The following AMIGO2 variants were observed in gnomAD, a reference collection of about 807,000 sequenced individuals.
The protein encoded by AMIGO2 is amphoterin-induced protein 2.
Under a neutral mutation model 23.7 loss-of-function variants are expected in AMIGO2, and 15 were observed. The ratio of observed to expected loss-of-function variants is 0.63; its 90% CI spans 0.42 to 0.98. The LOEUF (loss-of-function observed/expected upper bound fraction) is 0.98, where lower values mean the gene tolerates loss of function less well. Ranked by LOEUF, AMIGO2 falls within the 50% of genes least tolerant of loss-of-function variation. AMIGO2 has a pLI of 0.00. For synonymous variants in AMIGO2, 264 were observed against 252.3 expected (o/e 1.05, Z -0.44); for missense variants, 561 against 633.1 (o/e 0.89, Z 1.22).
At position 47,079,787 on chromosome 12, in the gene AMIGO2, G is replaced by C. The variant is rs1263167879; in HGVS notation, c.-496C>G. On this transcript the variant is annotated 5_prime_UTR_variant, in exon 1 of 3. Coordinates refer to ENST00000550413, the MANE Select transcript of AMIGO2 (RefSeq NM_001370299.1). ...CGCGGGGCGCCCCGCTCCCAGAGCCGGGGCCGCGGGAGGGGGCGCAGGCAG... is the reference window on the plus strand; with the variant it reads ...CGCGGGGCGCCCCGCTCCCAGAGCCCGGGCCGCGGGAGGGGGCGCAGGCAG... 3 of 149,900 alleles carry C rather than the reference G, an allele frequency of 2.0e-5. No homozygotes were observed. The highest frequency in any genetic ancestry group is 7.3e-5 in the African/African-American group (3 of 41,142). 9.3% of individuals were successfully genotyped at this position (149,900 alleles called of 1,614,324 possible). A position where few individuals can be genotyped will look rare whatever the true frequency, so the allele number is the denominator to read the frequency against.
In AMIGO2 at chr12:47,076,828, G is replaced by A. The variant is rs1266063944; in HGVS notation, c.*606C>T. ...AAGAATGTACAAAATGAAAAGACAG[G>A]CAAACAAATGTACTTTCCTTGCACT... On this transcript the variant is annotated 3_prime_UTR_variant, in exon 3 of 3. Coordinates refer to ENST00000550413, the MANE Select transcript of AMIGO2 (RefSeq NM_001370299.1). The A allele has an allele frequency of 1.3e-5, 2 of 152,172 alleles. No homozygotes were observed. Among genetic ancestry groups the A allele is most frequent in the Non-Finnish European group, 2.9e-5 (2 of 68,024 alleles). 9.4% of individuals were successfully genotyped at this position (152,172 alleles called of 1,614,324 possible). A position where few individuals can be genotyped will look rare whatever the true frequency, so the allele number is the denominator to read the frequency against.
chr12:47,079,479 T>C lies in AMIGO2; in HGVS notation c.-188A>G, dbSNP rs1178875211. 1.3e-5 allele frequency: 2 copies of C among 152,634 alleles called. No individual in the cohort carries two copies. Among genetic ancestry groups the C allele is most frequent in the East Asian group, 3.9e-4 (2 of 5,166 alleles). The allele number at this position is 152,634 out of a possible 1,614,324, so 9.5% of individuals were successfully genotyped here. On this transcript the variant is annotated 5_prime_UTR_variant, in exon 1 of 3. Coordinates refer to ENST00000550413, the MANE Select transcript of AMIGO2 (RefSeq NM_001370299.1). ...AAACTCACGGTGCTGGGGAGCCTCG[T>C]GGGCTCCGGGGAGGCTGCCTACGCA...
rs574028188 is a variant in AMIGO2, at chr12:47,079,649, G to C, written c.-358C>G. The C allele has an allele frequency of 6.5e-6, 1 of 152,888 alleles. No individual in the cohort carries two copies. Among genetic ancestry groups the C allele is most frequent in the Non-Finnish European group, 1.5e-5 (1 of 68,752 alleles). 9.5% of individuals were successfully genotyped at this position (152,888 alleles called of 1,614,324 possible). On this transcript the variant is annotated 5_prime_UTR_variant, in exon 1 of 3. Transcript: ENST00000550413. ...GTTTCAAGCAGCCGCGGCGGCAGCA[G>C]CAGCCCTGGACGCAGCAGCCAAGCT... is the stretch of plus-strand genomic sequence containing the variant.
chr12:47,078,652 T>C lies in AMIGO2; in HGVS notation c.351A>G (p.Pro117=). ...ACGATAAGTCAAGACACTTCAAATT[T>C]GGAGTTGTGGAAAAACTGCCCGTGG... ...SISTGSFSTT[P]NLKCLDLSSN... The change falls in exon 3 of 3, where the codon CCA becomes CCG. Residue 117 remains proline (P), a synonymous_variant. Coordinates refer to ENST00000550413, the MANE Select transcript of AMIGO2 (RefSeq NM_001370299.1). 1 of 1,614,194 alleles carries C rather than the reference T, an allele frequency of 6.2e-7. No homozygotes were observed. Among genetic ancestry groups the C allele is most frequent in the South Asian group, 1.1e-5 (1 of 91,082 alleles).
Position 47,078,349 on chromosome 12 carries a change from T to A in AMIGO2, c.654A>T (p.Lys218Asn), listed in dbSNP as rs1343335714. Residue 218 changes from lysine to asparagine, a missense_variant, in exon 3 of 3, where the codon AAA becomes AAT. Transcript: ENST00000550413. ...PMHHINLVPG[K>N]QLRGIYLHGN... is the part of the protein sequence containing the mutation. ...CATGAAGGTAGATGCCTCTCAGCTG[T>A]TTTCCTGGCACTAAATTTATGTGGT... 1 of 1,613,816 alleles carries A rather than the reference T, an allele frequency of 6.2e-7. No individual in the cohort carries two copies. The highest frequency in any genetic ancestry group is 1.7e-5 in the Admixed American group (1 of 60,024).
chr12:47,076,156 A>T (rs547657430), downstream of AMIGO2: 1 of 152,324 alleles, frequency 6.6e-6, no homozygotes, highest in Non-Finnish European at 1.5e-5. Context: ...ACCACCAAGA[A>T]ATCATTCATT....
At position 47,078,012 on chromosome 12, in the gene AMIGO2, G is replaced by A. The variant is rs1941884358; in HGVS notation, c.991C>T (p.Leu331=). 3 of 1,613,922 alleles carry A rather than the reference G, an allele frequency of 1.9e-6. No individual in the cohort carries two copies. Among genetic ancestry groups the A allele is most frequent in the Non-Finnish European group, 2.5e-6 (3 of 1,180,034 alleles). ...FIWVGPDNRL[L]EPDKEMENFY... ...TTTTCCATCTCTTTATCCGGCTCTA[G>A]CAGTCTGTTATCTGGACCCACCCAG... Residue 331 remains leucine, a synonymous_variant, in exon 3 of 3, where the codon CTA becomes TTA. Transcript: ENST00000550413.
At position 47,078,441 on chromosome 12, in the gene AMIGO2, T is replaced by C. The variant is rs995106493; in HGVS notation, c.562A>G (p.Arg188Gly). ...TQFPMDLYVG[R>G]FKLAELMFLD... ...AACATCAGTTCTGCCAGCTTGAACC[T>C]TCCAACATACAAATCCATCGGAAAC... Residue 188 changes from arginine (R) to glycine (G), a missense_variant, in exon 3 of 3, where the codon AGG becomes GGG. Coordinates refer to ENST00000550413, the MANE Select transcript of AMIGO2 (RefSeq NM_001370299.1). The C allele has an allele frequency of 2.5e-6, 4 of 1,614,082 alleles. No individual in the cohort carries two copies. The African/African-American group carries it at 5.3e-5, about 22-fold the overall frequency.
Position 47,079,772 on chromosome 12 carries a change from C to T in AMIGO2, c.-481G>A, listed in dbSNP as rs1487614891. 3.3e-5 allele frequency: 5 copies of T among 150,474 alleles called. No individual in the cohort carries two copies. Among genetic ancestry groups the T allele is most frequent in the Non-Finnish European group, 7.4e-5 (5 of 67,482 alleles). 9.3% of individuals were successfully genotyped at this position (150,474 alleles called of 1,614,324 possible). A position where few individuals can be genotyped will look rare whatever the true frequency, so the allele number is the denominator to read the frequency against. On this transcript the variant is annotated 5_prime_UTR_variant, in exon 1 of 3. Transcript: ENST00000550413. Reference sequence around the variant, plus strand: ...CGCCGTGTGCCCGCGCGCGGGGCGCCCCGCTCCCAGAGCCGGGGCCGCGGG... The same window carrying T: ...CGCCGTGTGCCCGCGCGCGGGGCGCTCCGCTCCCAGAGCCGGGGCCGCGGG...
In AMIGO2 at chr12:47,076,979, A is replaced by G. The variant is rs1360354898; in HGVS notation, c.*455T>C. The G allele has an allele frequency of 6.2e-6, 1 of 160,198 alleles. No homozygotes were observed. Among genetic ancestry groups the G allele is most frequent in the African/African-American group, 2.4e-5 (1 of 41,510 alleles). 9.9% of individuals were successfully genotyped at this position (160,198 alleles called of 1,614,324 possible). On this transcript the variant is annotated 3_prime_UTR_variant, in exon 3 of 3. Transcript: ENST00000550413. ...CAAATCTAACTTTGCTTTAGGCTTTATAATTAATTGATGCTTGATTCTTCT... is the reference window on the plus strand; with the variant it reads ...CAAATCTAACTTTGCTTTAGGCTTTGTAATTAATTGATGCTTGATTCTTCT...
In AMIGO2 at chr12:47,079,813, CCGGGCGGCAG is replaced by C. The variant is rs1297743648; in HGVS notation, c.-532_-523del. ...GGGCCGCGGGAGGGGGCGCAGGCAG[CCGGGCGGCAG>C]CGGGCGGCCCCGCCTCTCCGCACTC... On this transcript the variant is annotated 5_prime_UTR_variant, in exon 1 of 3. Transcript: ENST00000550413. 6.7e-6 allele frequency: 1 copy of C among 149,476 alleles called. No individual in the cohort carries two copies. Among genetic ancestry groups the C allele is most frequent in the South Asian group, 2.1e-4 (1 of 4,820 alleles). The allele number at this position is 149,476 out of a possible 1,614,324, so 9.3% of individuals were successfully genotyped here. A position where few individuals can be genotyped will look rare whatever the true frequency, so the allele number is the denominator to read the frequency against.
Position 47,077,432 on chromosome 12 carries a change from A to T in AMIGO2, c.*2T>A, listed in dbSNP as rs1173527548. 6.2e-7 allele frequency: 1 copy of T among 1,608,820 alleles called. No individual in the cohort carries two copies. Among genetic ancestry groups the T allele is most frequent in the Non-Finnish European group, 8.5e-7 (1 of 1,175,928 alleles). ...ATGACATCATACAAATATAGGCACA[A>T]ATTAAGTGGACGCCACAAAAGGTGT... is the stretch of plus-strand genomic sequence containing the variant. On this transcript the variant is annotated 3_prime_UTR_variant, in exon 3 of 3. Coordinates refer to ENST00000550413, the MANE Select transcript of AMIGO2 (RefSeq NM_001370299.1).
In AMIGO2 at chr12:47,078,686, G is replaced by A; in HGVS notation, c.317C>T (p.Thr106Ile). 6.2e-7 allele frequency: 1 copy of A among 1,614,196 alleles called. No individual in the cohort carries two copies. The highest frequency in any genetic ancestry group is 8.5e-7 in the Non-Finnish European group (1 of 1,180,034). ...NTLILRHNNI[T>I]SISTGSFSTT... ...GGAAAAACTGCCCGTGGAAATGCTG[G>A]TGATGTTGTTATGACGAAGAATTAG... Residue 106 changes from threonine to isoleucine, a missense_variant, in exon 3 of 3, where the codon ACC becomes ATC. Transcript: ENST00000550413.
Position 47,079,144 on chromosome 12 carries a change from T to TA in AMIGO2, c.-67dup. 8.2e-7 allele frequency: 1 copy of TA among 1,224,390 alleles called. No individual in the cohort carries two copies. The highest frequency in any genetic ancestry group is 1.5e-5 in the African/African-American group (1 of 65,946). 75.8% of individuals were successfully genotyped at this position (1,224,390 alleles called of 1,614,324 possible). A position where few individuals can be genotyped will look rare whatever the true frequency, so the allele number is the denominator to read the frequency against. Reference sequence around the variant, plus strand: ...TAGTTAACCCATAAGAGCCATACCTTACTTTCTTTCCAATAACTTTTGAAA... The same window carrying TA: ...TAGTTAACCCATAAGAGCCATACCTTAACTTTCTTTCCAATAACTTTTGAAA... On this transcript the variant is annotated 5_prime_UTR_variant, in exon 2 of 3. Coordinates refer to ENST00000550413, the MANE Select transcript of AMIGO2 (RefSeq NM_001370299.1).
rs77928122 is a variant in AMIGO2, at chr12:47,079,173, G to A, written c.-95C>T. 10,735 of 926,034 alleles carry A rather than the reference G, an allele frequency of 0.012. 422 individuals are homozygous for A. Among genetic ancestry groups the A allele is most frequent in the African/African-American group, 0.093 (5,592 of 59,822 alleles). The allele number at this position is 926,034 out of a possible 1,614,324, so 57.4% of individuals were successfully genotyped here. On this transcript the variant is annotated 5_prime_UTR_variant, in exon 2 of 3. Coordinates refer to ENST00000550413, the MANE Select transcript of AMIGO2 (RefSeq NM_001370299.1). ...TTCTTTCCAATAACTTTTGAAATGG[G>A]TTTTATTTCACAATAGGGAGCTCTG...
chr12:47,077,392 T>TG lies in AMIGO2; in HGVS notation c.*41dup. On this transcript the variant is annotated 3_prime_UTR_variant, in exon 3 of 3. Transcript: ENST00000550413. ...TGCAGACCACACACAAAGTTAAATA[T>TG]GAACAGATTAAATTATGACATCATA... 6.4e-7 allele frequency: 1 copy of TG among 1,574,260 alleles called. No individual in the cohort carries two copies. The highest frequency in any genetic ancestry group is 8.6e-7 in the Non-Finnish European group (1 of 1,157,874).
rs1941879065 is a variant in AMIGO2 at position 47,077,785 on chromosome 12, G to A, written c.1218C>T (p.Cys406=). Residue 406 remains cysteine, a synonymous_variant, in exon 3 of 3, where the codon TGC becomes TGT. Transcript: ENST00000550413. ...FNTAFTTLAA[C]VASIVLVLLY... is the part of the protein sequence containing the mutation. Reference sequence around the variant, plus strand: ...AAAGTACCAAAACGATACTGGCCACGCAAGCAGCAAGAGTGGTAAAAGCTG... The same window carrying A: ...AAAGTACCAAAACGATACTGGCCACACAAGCAGCAAGAGTGGTAAAAGCTG... 2 of 1,614,132 alleles carry A rather than the reference G, an allele frequency of 1.2e-6. 1 individual carries two copies. The highest frequency in any genetic ancestry group is 2.7e-5 in the African/African-American group (2 of 75,030).
rs879220465 is a variant in AMIGO2 at position 47,079,069 on chromosome 12, G to A, written c.-63-4C>T. 53 of 1,511,040 alleles carry A rather than the reference G, an allele frequency of 3.5e-5. No individual in the cohort carries two copies. The South Asian group carries it at 4.0e-4, about 11-fold the overall frequency. 93.6% of individuals were successfully genotyped at this position (1,511,040 alleles called of 1,614,324 possible). Reference sequence around the variant, plus strand: ...GCTCAGCCTCCCACCAGTGAACCTGGCAAACAATTAATAATTCAGAGGGAG... The same window carrying A: ...GCTCAGCCTCCCACCAGTGAACCTGACAAACAATTAATAATTCAGAGGGAG... On this transcript the variant is annotated splice_region_variant and splice_polypyrimidine_tract_variant and intron_variant, in intron 2 of 2. Coordinates refer to ENST00000550413, the MANE Select transcript of AMIGO2 (RefSeq NM_001370299.1).
Position 47,078,089 on chromosome 12 carries a change from C to G in AMIGO2, c.914G>C (p.Arg305Thr). The G allele has an allele frequency of 6.2e-7, 1 of 1,614,174 alleles. No individual in the cohort carries two copies. The highest frequency in any genetic ancestry group is 8.5e-7 in the Non-Finnish European group (1 of 1,180,040). Residue 305 changes from arginine to threonine, a missense_variant, in exon 3 of 3, where the codon AGA (arginine) becomes ACA (threonine). By Grantham distance (71) the Arg-to-Thr change is moderately conservative. Transcript: ENST00000550413. ...CTTGCTGTCACAGTGGACCATCAGT[C>G]TTTCCCCGACCTGAGCCTCATGAAT... ...GFIHEAQVGERLMVHCDSKTG... is the reference protein window; with the variant it reads ...GFIHEAQVGETLMVHCDSKTG...
Sources: gnomAD v4.1 joint callset for allele counts on GRCh38, gnomAD v4.1.1 for gene constraint, MANE v1.5 for transcripts, NCBI Gene and HGNC (gene_info 2026-07-23, HGNC 2026-07-21) for gene names.